The following BTBD9 variants were observed in gnomAD, a reference collection of about 807,000 sequenced individuals.
The protein encoded by BTBD9 is BTB/POZ domain-containing protein 9.
In BTBD9, 49 loss-of-function variants were observed where a neutral mutation model predicts 64.3. The observed-to-expected ratio is 0.76, with a 90% CI of 0.61 to 0.97. The LOEUF is 0.97. Among genes scored for constraint, BTBD9 ranks in the 50% least tolerant of loss-of-function variants. The probability of loss-of-function intolerance (pLI) is 0.00; values close to 1 mark genes in which losing one functional copy is unlikely to be tolerated. For missense variants in BTBD9, 598 were observed against 762.1 expected (o/e 0.78, Z 2.53); for synonymous variants, 260 against 274.7 (o/e 0.95, Z 0.53).
chr6:38,552,116 A>G (rs564544530), intron 6 of BTBD9, among the ~76,000 whole-genome samples: 10 of 152,306 alleles, frequency 6.6e-5, no homozygotes, highest in Non-Finnish European at 1.3e-4. Context: ...AATACCACAG[A>G]GCAGGAATAC....
At chr6:38,465,703 TAAATTATATATATATATATATATATATA>T (rs1204827863) in intron 6 of BTBD9, among the ~76,000 whole-genome samples, 2 of 81,706 alleles carry the variant, frequency 2.4e-5, no homozygotes, top group Non-Finnish European at 4.8e-5. Flanking sequence ...AATAAATAAA[TAAATTATATATATATATATATATATATA>T]TATATATATA....
At position 38,488,444 on chromosome 6, in the gene BTBD9, T is replaced by C. The variant is rs373168486; in HGVS notation, c.1154+89156A>G. Among the ~76,000 whole-genome samples the C allele has an allele frequency of 1.1e-4, 17 of 152,316 alleles. No homozygotes were observed. In the East Asian group the frequency reaches 3.1e-3, roughly 28 times the overall value. ...GCTGCAAGGAACCGTATAGAAACTA[T>C]GGACCAACGTTCTCTAGCTCCGTAA... On this transcript the variant is annotated intron_variant, in intron 6 of 10. Coordinates refer to ENST00000481247, the MANE Select transcript of BTBD9 (RefSeq NM_001099272.2).
chr6:38,222,727 G>T (rs1281870034), intron 9 of BTBD9, among the ~76,000 whole-genome samples: 1 of 152,084 alleles, frequency 6.6e-6, no homozygotes, highest in Non-Finnish European at 1.5e-5. Context: ...GGTAGCCAGG[G>T]CATGGGAACT....
chr6:38,181,716 G>A (rs1435962032), intron 10 of BTBD9, among the ~76,000 whole-genome samples: 2 of 152,174 alleles, frequency 1.3e-5, no homozygotes, highest in Non-Finnish European at 2.9e-5. Flanking sequence ...GCCGGGCATG[G>A]TGGCTCACAC....
At chr6:38,228,351 C>CCCCCCAAA (rs566108714) in intron 9 of BTBD9, among the ~76,000 whole-genome samples, 1 of 28,324 alleles carries the variant, frequency 3.5e-5, no homozygotes, top group Non-Finnish European at 6.6e-5. Context: ...TCCCCCCCCC[C>CCCCCCAAA]AAAAAAAAAA....
At chr6:38,611,053 A>G (rs2127512619) in intron 1 of BTBD9, among the ~76,000 whole-genome samples, 1 of 152,312 alleles carries the variant, frequency 6.6e-6, no homozygotes, top group East Asian at 1.9e-4. Flanking sequence ...CAGTGACATA[A>G]GCAAGCAGAC....
chr6:38,357,197 A>G (rs771762494), intron 6 of BTBD9, among the ~76,000 whole-genome samples: 4 of 152,174 alleles, frequency 2.6e-5, no homozygotes, highest in Admixed American at 6.5e-5. Context: ...TAGTTAACCA[A>G]TCTTCCTCAC....
At chr6:38,496,961 A>G (rs192176572) in intron 6 of BTBD9, among the ~76,000 whole-genome samples, 1 of 152,158 alleles carries the variant, frequency 6.6e-6, no homozygotes, top group East Asian at 1.9e-4. Flanking sequence ...TGCTCTCACC[A>G]AGATCCACCC....
chr6:38,614,579 C>T (rs942485936), intron 1 of BTBD9, among the ~76,000 whole-genome samples: 1 of 152,198 alleles, frequency 6.6e-6, no homozygotes, highest in Non-Finnish European at 1.5e-5. Context: ...ACTCTCTATG[C>T]CCCTCCCTAG....
intron 7 of BTBD9, among the ~76,000 whole-genome samples, chr6:38,312,478 C>T (rs1251581456): frequency 1.3e-5 from 2 of 152,142 alleles, no homozygotes; most frequent in African/African-American, 4.8e-5. Context: ...AAACCTTTAC[C>T]CATTCCAATG....
At chr6:38,567,211 G>T (rs1775561813) in intron 6 of BTBD9, among the ~76,000 whole-genome samples, 1 of 152,106 alleles carries the variant, frequency 6.6e-6, no homozygotes. Flanking sequence ...AATAATTACT[G>T]ATCATTTTAG....
At chr6:38,276,974 T>C (rs1011853028) in intron 8 of BTBD9, among the ~76,000 whole-genome samples, 1 of 152,186 alleles carries the variant, frequency 6.6e-6, no homozygotes, top group African/African-American at 2.4e-5. Context: ...GTTGATCAAA[T>C]ACATCTGGTT....
At chr6:38,343,457 G>A (rs150509653) in intron 7 of BTBD9, among the ~76,000 whole-genome samples, 48 of 152,258 alleles carry the variant, frequency 3.2e-4, no homozygotes, top group African/African-American at 1.1e-3. Context: ...TACACATCTT[G>A]TAAATAAGAA....
At chr6:38,297,757 T>A (rs1269999707) in intron 7 of BTBD9, among the ~76,000 whole-genome samples, 2 of 152,122 alleles carry the variant, frequency 1.3e-5, no homozygotes, top group East Asian at 1.9e-4. Context: ...TATTACTAAT[T>A]TATTTGAACT....
At chr6:38,291,703 G>A (rs928677539) in intron 7 of BTBD9, among the ~76,000 whole-genome samples, 2 of 152,138 alleles carry the variant, frequency 1.3e-5, no homozygotes, top group Non-Finnish European at 2.9e-5. Flanking sequence ...TTAGCATGAA[G>A]GGGTGTTGAA....
intron 7 of BTBD9, among the ~76,000 whole-genome samples, chr6:38,289,471 G>A (rs2127556175): frequency 6.6e-6 from 1 of 152,154 alleles, no homozygotes; most frequent in East Asian, 1.9e-4. Context: ...TGTTTTATTA[G>A]TAGTCTCTAA....
intron 8 of BTBD9, among the ~76,000 whole-genome samples, chr6:38,257,782 G>A (rs1269454934): frequency 2.6e-5 from 4 of 152,056 alleles, no homozygotes; most frequent in African/African-American, 2.4e-5. Context: ...ATCTGTTGGT[G>A]ACAGGAATCA....
In BTBD9 at chr6:38,171,600, G is replaced by C. The variant is rs1766767888; in HGVS notation, c.*3385C>G. The stretch of plus-strand genomic sequence containing the variant: ...TGTGTGTGTGTGTGTGTGTGTGTGT[G>C]TGTGAGAGGGAGAGACGGTGGGGGC... On this transcript the variant is annotated 3_prime_UTR_variant, in exon 11 of 11. Transcript: ENST00000481247. The C allele has an allele frequency of 7.4e-6, 1 of 135,006 alleles. No individual in the cohort carries two copies. Among genetic ancestry groups the C allele is most frequent in the South Asian group, 2.2e-4 (1 of 4,454 alleles). The allele number at this position is 135,006 out of a possible 1,614,324, so 8.4% of individuals were successfully genotyped here. A position where few individuals can be genotyped will look rare whatever the true frequency, so the allele number is the denominator to read the frequency against.
chr6:38,454,795 T>TG (rs1214686797), intron 6 of BTBD9, among the ~76,000 whole-genome samples: 1 of 149,438 alleles, frequency 6.7e-6, no homozygotes, highest in African/African-American at 2.4e-5. Flanking sequence ...AGCAAGACTC[T>TG]GTCTCTTAAA....
Sources: allele counts gnomAD v4.1 joint callset (sites outside exome capture counted in the v4.1 genomes callset), GRCh38; gene constraint gnomAD v4.1.1; transcripts MANE v1.5; gene names NCBI Gene and HGNC (gene_info 2026-07-23, HGNC 2026-07-21).